Variants in CPAP observed in about 807,000 individuals in gnomAD.
CPAP encodes the protein centrosome assembly and centriole elongation protein.
chr13:24,903,452 G>C, the CPAP span, among the ~76,000 whole-genome samples: 1 of 152,230 alleles, frequency 6.6e-6, no homozygotes, highest in East Asian at 1.9e-4. Context: ...AGAGACTGGA[G>C]TGATGTAGCT....
the CPAP span, among the ~76,000 whole-genome samples, chr13:24,888,816 AT>A: frequency 6.6e-6 from 1 of 152,200 alleles, no homozygotes; most frequent in Non-Finnish European, 1.5e-5. Context: ...ATGTGTTAAG[AT>A]TGGTAAGTCA....
At chr13:24,914,518 T>G in the CPAP span, among the ~76,000 whole-genome samples, 1 of 152,204 alleles carries the variant, frequency 6.6e-6, no homozygotes. Context: ...ACCTCTTCTC[T>G]GAGGACTCCC....
chr13:24,926,426 C>G, the CPAP span, among the ~76,000 whole-genome samples: 1 of 152,182 alleles, frequency 6.6e-6, no homozygotes, highest in African/African-American at 2.4e-5. Context: ...ACCAAGAACT[C>G]TGGGAGCAAG....
At chr13:24,888,534 C>CAAGTATGA in the CPAP span, among the ~76,000 whole-genome samples, 1 of 152,062 alleles carries the variant, frequency 6.6e-6, no homozygotes, top group Non-Finnish European at 1.5e-5. Flanking sequence ...AAAGTCTGGC[C>CAAGTATGA]AGATCAAGTG....
the CPAP span, chr13:24,885,330 T>G: frequency 6.2e-7 from 1 of 1,613,980 alleles, no homozygotes; most frequent in Non-Finnish European, 8.5e-7. Flanking sequence ...CCTCCTCCTC[T>G]TTATATTCAG....
the CPAP span, chr13:24,889,394 A>G: frequency 6.2e-7 from 1 of 1,600,198 alleles, no homozygotes; most frequent in Non-Finnish European, 8.6e-7. Flanking sequence ...AATCGAACAG[A>G]TGTGTTCTAT....
the CPAP span, chr13:24,885,232 GTTTA>G: frequency 4.6e-6 from 6 of 1,298,924 alleles, no homozygotes; most frequent in East Asian, 2.3e-5. Context: ...TTTAACCCAT[GTTTA>G]TTTTTTATAG....
the CPAP span, among the ~76,000 whole-genome samples, chr13:24,932,631 A>C: frequency 6.6e-6 from 1 of 152,224 alleles, no homozygotes; most frequent in East Asian, 1.9e-4. Context: ...GAATGCATAG[A>C]ATTATATACA....
At chr13:24,927,785 C>T in the CPAP span, among the ~76,000 whole-genome samples, 1 of 152,224 alleles carries the variant, frequency 6.6e-6, no homozygotes, top group African/African-American at 2.4e-5. Flanking sequence ...TGACATCTTA[C>T]TGGCAGCCCC....
chr13:24,926,599 C>G, the CPAP span, among the ~76,000 whole-genome samples: 1 of 152,162 alleles, frequency 6.6e-6, no homozygotes, highest in African/African-American at 2.4e-5. Context: ...GCCTCCTCCT[C>G]CCTCAGCCCC....
chr13:24,898,042 C>T, the CPAP span, among the ~76,000 whole-genome samples: 4 of 152,148 alleles, frequency 2.6e-5, no homozygotes, highest in Non-Finnish European at 5.9e-5. Flanking sequence ...ACTACAGGCA[C>T]ACCACGACAC....
the CPAP span, chr13:24,912,763 G>A: frequency 1.2e-6 from 2 of 1,614,044 alleles, no homozygotes; most frequent in African/African-American, 1.3e-5. Flanking sequence ...ATCTGACTGT[G>A]GTTTGTAAGG....
chr13:24,892,767 A>C, the CPAP span: 1 of 1,613,934 alleles, frequency 6.2e-7, no homozygotes, highest in Non-Finnish European at 8.5e-7. Flanking sequence ...CTCTCTGACT[A>C]ACATTTGTAT....
the CPAP span, chr13:24,889,437 T>C: frequency 7.4e-7 from 1 of 1,355,180 alleles, no homozygotes; most frequent in Non-Finnish European, 1.0e-6. Context: ...TTAAAATGAG[T>C]GTTAGTCTAT....
the CPAP span, among the ~76,000 whole-genome samples, chr13:24,931,571 T>A: frequency 6.6e-6 from 1 of 152,316 alleles, no homozygotes; most frequent in South Asian, 2.1e-4. Context: ...TATTCTCATT[T>A]TATTCAGTAC....
the CPAP span, chr13:24,883,251 C>T: frequency 6.2e-7 from 1 of 1,614,088 alleles, no homozygotes. Flanking sequence ...TACTTCGTTT[C>T]TTGATGACCG....
chr13:24,930,849 G>A, the CPAP span, among the ~76,000 whole-genome samples: 13 of 152,272 alleles, frequency 8.5e-5, no homozygotes, highest in South Asian at 2.1e-3. Flanking sequence ...TAGCTGGGTC[G>A]AATGGCAGTT....
At chr13:24,896,288 G>T in the CPAP span, among the ~76,000 whole-genome samples, 12 of 152,298 alleles carry the variant, frequency 7.9e-5, no homozygotes, top group Middle Eastern at 3.4e-3. Context: ...AGTTCCTGAA[G>T]AGGGACGGCA....
chr13:24,906,200 A>G, the CPAP span: 2 of 1,613,350 alleles, frequency 1.2e-6, no homozygotes, highest in African/African-American at 1.3e-5. Flanking sequence ...GGTGGAAGAC[A>G]TCCGGTGACC....
Sources: gnomAD v4.1 joint callset for allele counts (sites outside exome capture counted in the v4.1 genomes callset) on GRCh38, gnomAD v4.1.1 for gene constraint, MANE v1.5 for transcripts, NCBI Gene and HGNC (gene_info 2026-07-23, HGNC 2026-07-21) for gene names.